Variants in FSTL5 observed in about 807,000 individuals in gnomAD.
FSTL5 encodes follistatin like 5.
A neutral mutation model predicts 89.1 loss-of-function variants in FSTL5; 62 were observed. The observed-to-expected ratio is 0.70, with a 90% CI of 0.57 to 0.86. The LOEUF (loss-of-function observed/expected upper bound fraction) is 0.86. Among genes scored for constraint, FSTL5 ranks in the 40% least tolerant of loss-of-function variants. The pLI is 0.00. For synonymous variants in FSTL5, 383 were observed against 346.2 expected (o/e 1.11, Z -1.18); for missense variants, 1,057 against 1,001.6 (o/e 1.06, Z -0.75).
At chr4:161,956,736 T>C (rs1275627183) in intron 3 of FSTL5, among the ~76,000 whole-genome samples, 1 of 151,988 alleles carries the variant, frequency 6.6e-6, no homozygotes, top group Non-Finnish European at 1.5e-5. Flanking sequence ...AAACTCTCTA[T>C]TAAAAATATA....
intron 4 of FSTL5, among the ~76,000 whole-genome samples, chr4:161,804,131 T>C (rs1403604677): frequency 6.6e-6 from 1 of 152,004 alleles, no homozygotes; most frequent in African/African-American, 2.4e-5. Flanking sequence ...TTCAAATATT[T>C]GTGACTTTCC....
At chr4:162,152,466 G>T (rs960109565) in intron 1 of FSTL5, among the ~76,000 whole-genome samples, 2 of 152,070 alleles carry the variant, frequency 1.3e-5, no homozygotes, top group Admixed American at 1.3e-4. Context: ...TTTTCTAAAG[G>T]TATAGATGTA....
chr4:162,073,966 A>T (rs114715777), intron 2 of FSTL5, among the ~76,000 whole-genome samples: 1 of 151,682 alleles, frequency 6.6e-6, no homozygotes, highest in Non-Finnish European at 1.5e-5. Context: ...AAAAACTGAA[A>T]TTTTTTCCTT....
chr4:161,895,037 A>G (rs927259181), intron 4 of FSTL5, among the ~76,000 whole-genome samples: 1 of 152,192 alleles, frequency 6.6e-6, no homozygotes. Context: ...AGAACATTCA[A>G]TCAACACAAC....
chr4:161,604,006 C>T (rs866652650), intron 7 of FSTL5, among the ~76,000 whole-genome samples: 41 of 152,080 alleles, frequency 2.7e-4, no homozygotes, highest in Middle Eastern at 6.8e-3. Context: ...CAAATAAATG[C>T]AATTTTAAAA....
At chr4:161,759,887 C>CGAAG (rs1740723887) in intron 5 of FSTL5, among the ~76,000 whole-genome samples, 1 of 151,986 alleles carries the variant, frequency 6.6e-6, no homozygotes, top group Non-Finnish European at 1.5e-5. Flanking sequence ...AAATTGCCTC[C>CGAAG]TGTGTCTCGG....
At chr4:162,128,284 CAGA>C (rs1408038465) in intron 1 of FSTL5, among the ~76,000 whole-genome samples, 1 of 152,136 alleles carries the variant, frequency 6.6e-6, no homozygotes, top group Non-Finnish European at 1.5e-5. Context: ...AAGTTTTCAT[CAGA>C]AGTTTTGCTG....
chr4:161,732,220 T>C (rs1739634889), intron 6 of FSTL5, among the ~76,000 whole-genome samples: 1 of 152,156 alleles, frequency 6.6e-6, no homozygotes, highest in African/African-American at 2.4e-5. Flanking sequence ...TATAGCTTAT[T>C]GTGGTTTTAA....
chr4:161,482,302 C>A (rs913965425), intron 12 of FSTL5, among the ~76,000 whole-genome samples: 1 of 150,828 alleles, frequency 6.6e-6, no homozygotes, highest in African/African-American at 2.5e-5. Context: ...GGTGACAGAG[C>A]GAGACTCCGT....
intron 3 of FSTL5, among the ~76,000 whole-genome samples, chr4:161,945,266 A>T (rs1475602945): frequency 6.6e-6 from 1 of 152,188 alleles, no homozygotes; most frequent in Non-Finnish European, 1.5e-5. Flanking sequence ...CTCCACAATG[A>T]TCTAATTGCA....
At chr4:162,152,321 C>T (rs997657059) in intron 1 of FSTL5, among the ~76,000 whole-genome samples, 1 of 152,168 alleles carries the variant, frequency 6.6e-6, no homozygotes, top group African/African-American at 2.4e-5. Flanking sequence ...TGAGAAATCT[C>T]ACCAAGGAAA....
chr4:162,060,050 A>G (rs558095920), intron 2 of FSTL5, among the ~76,000 whole-genome samples: 44 of 152,276 alleles, frequency 2.9e-4, no homozygotes, highest in African/African-American at 9.6e-4. Context: ...CTTTCTTACA[A>G]TTGATCTCAA....
In FSTL5 at chr4:161,900,645, AAAAAAAAAAAAAAGAAAG is replaced by A. The variant is rs1457397943; in HGVS notation, c.409+19741_409+19758del. ...CAGAGCGAGACTCCATCTCAAAAAA[AAAAAAAAAAAAAAGAAAG>A]AAAGAAAGAAAGAAAAGAAAAAAAA... On this transcript the variant is annotated intron_variant, in intron 4 of 15. Transcript: ENST00000306100. Among the ~76,000 whole-genome samples, 737 of 115,252 alleles carry A rather than the reference AAAAAAAAAAAAAAGAAAG, an allele frequency of 6.4e-3. 7 individuals are homozygous for A. The highest frequency in any genetic ancestry group is 0.021 in the African/African-American group (706 of 34,102). The allele number at this position is 115,252 out of a possible 152,430, so 75.6% of individuals were successfully genotyped here. A position where few individuals can be genotyped will look rare whatever the true frequency, so the allele number is the denominator to read the frequency against.
At chr4:161,835,503 A>G (rs1486418294) in intron 4 of FSTL5, among the ~76,000 whole-genome samples, 2 of 152,098 alleles carry the variant, frequency 1.3e-5, no homozygotes, top group Non-Finnish European at 2.9e-5. Flanking sequence ...AACTACCATC[A>G]GAGTGAACAG....
chr4:161,411,018 A>G (rs577328533), intron 15 of FSTL5, among the ~76,000 whole-genome samples: 1 of 152,234 alleles, frequency 6.6e-6, no homozygotes, highest in South Asian at 2.1e-4. Flanking sequence ...TGATATTGCA[A>G]CTGATCCTAT....
rs758647524 is a variant in FSTL5, at chr4:161,920,534, G to C, written c.279C>G (p.Cys93Trp). The C allele has an allele frequency of 6.2e-7, 1 of 1,614,018 alleles. No individual in the cohort carries two copies. The highest frequency in any genetic ancestry group is 8.5e-7 in the Non-Finnish European group (1 of 1,179,984). Residue 93 changes from cysteine (C) to tryptophan (W), a missense_variant, in exon 4 of 16, where the codon TGC (cysteine) becomes TGG (tryptophan). Coordinates refer to ENST00000306100, the MANE Select transcript of FSTL5 (RefSeq NM_020116.5). ...CACACACAGGTTTGTAGTGACGTTT[G>C]CAAAGGTCCATACAGGCACATTCTG... ...GQAECACMDL[C>W]KRHYKPVCGS...
At chr4:161,620,429 C>G (rs1390522335) in intron 7 of FSTL5, among the ~76,000 whole-genome samples, 1 of 152,094 alleles carries the variant, frequency 6.6e-6, no homozygotes, top group Non-Finnish European at 1.5e-5. Context: ...CCAAGATGGG[C>G]AGGTCACCTG....
chr4:161,637,958 G>A (rs1374246378), intron 7 of FSTL5, among the ~76,000 whole-genome samples: 1 of 150,364 alleles, frequency 6.7e-6, no homozygotes, highest in Non-Finnish European at 1.5e-5. Context: ...CTCTTTTTTG[G>A]TTCCATATGA....
intron 7 of FSTL5, among the ~76,000 whole-genome samples, chr4:161,611,136 ATG>A (rs1489391489): frequency 2.0e-5 from 3 of 146,474 alleles, no homozygotes; most frequent in African/African-American, 5.1e-5. Flanking sequence ...ATATATATAT[ATG>A]TATCTATATA....
Sources: gnomAD v4.1 joint callset for allele counts (sites outside exome capture counted in the v4.1 genomes callset) on GRCh38, gnomAD v4.1.1 for gene constraint, MANE v1.5 for transcripts, NCBI Gene and HGNC (gene_info 2026-07-23, HGNC 2026-07-21) for gene names.